PISD: variants seen among roughly 807,000 people sequenced by gnomAD.
PISD encodes phosphatidylserine decarboxylase proenzyme, mitochondrial.
PISD carries 31 observed loss-of-function variants against 43.5 expected under a neutral mutation model. The observed-to-expected ratio is 0.71, with a 90% CI of 0.54 to 0.96. PISD has a LOEUF of 0.96. Ranked by LOEUF, PISD falls within the 40% of genes least tolerant of loss-of-function variation. The pLI, the probability that PISD is intolerant of heterozygous loss-of-function variation, is 0.00. For synonymous variants in PISD, 259 were observed against 228.7 expected (o/e 1.13, Z -1.20); for missense variants, 523 against 548.4 (o/e 0.95, Z 0.46).
At chr22:31,648,482 G>A (rs929161682) in intron 2 of PISD, among the ~76,000 whole-genome samples, 4 of 152,006 alleles carry the variant, frequency 2.6e-5, no homozygotes, top group Admixed American at 6.6e-5. Flanking sequence ...TCGAGACCAC[G>A]GTGAAACCCC....
chr22:31,635,962 A>G (rs188946044), intron 3 of PISD, among the ~76,000 whole-genome samples: 66 of 152,376 alleles, frequency 4.3e-4, no homozygotes, highest in African/African-American at 1.3e-3. Flanking sequence ...GGGGCCAGGT[A>G]TTTACATACA....
chr22:31,619,693 G>A lies in PISD; in HGVS notation c.1149C>T (p.Ile383=). 1 of 1,614,224 alleles carries A rather than the reference G, an allele frequency of 6.2e-7. No individual in the cohort carries two copies. The highest frequency in any genetic ancestry group is 8.5e-7 in the Non-Finnish European group (1 of 1,180,032). Residue 383 remains isoleucine, a synonymous_variant, in exon 8 of 8, where the codon ATC becomes ATT. Transcript: ENST00000439502. ...AATTGAAGTCCTTGGGGGCCTCGAA[G>A]ATGAGCACGATGGTGGAGCCCAGGT... ...EFNLGSTIVL[I]FEAPKDFNFQ...
intron 6 of PISD, 48 bp downstream of exon 6, chr22:31,620,948 A>C (rs1251736823): frequency 3.2e-6 from 5 of 1,567,508 alleles, no homozygotes; most frequent in East Asian, 2.3e-5. Flanking sequence ...GAGAGCCTCT[A>C]TATGAAGCCC....
intron 3 of PISD, chr22:31,628,291 G>A (rs1357930613): frequency 3.3e-6 from 2 of 600,156 alleles, no homozygotes; most frequent in East Asian, 2.8e-4. Flanking sequence ...GGCCAGCAGT[G>A]TTTCTGGCCT....
At chr22:31,628,569 C>A (rs940453512) in intron 3 of PISD, among the ~76,000 whole-genome samples, 1 of 152,228 alleles carries the variant, frequency 6.6e-6, no homozygotes, top group African/African-American at 2.4e-5. Flanking sequence ...CAGTCACCTG[C>A]AACATGAGAA....
Position 31,621,850 on chromosome 22 carries a change from C to T in PISD, c.357G>A (p.Leu119=). The part of the protein sequence containing the change: ...ALYKSVPTRL[L]SRAWGRLNQV... The stretch of plus-strand genomic sequence containing the variant: ...GATTGAGGCGACCCCAGGCCCGTGA[C>T]AGCAAGCGCGTTGGCACTGACTTGT... The change falls in exon 4 of 8, where the codon CTG becomes CTA. Residue 119 remains leucine (L), a synonymous_variant. Coordinates refer to ENST00000439502, the MANE Select transcript of PISD (RefSeq NM_001326411.2). 1 of 1,611,372 alleles carries T rather than the reference C, an allele frequency of 6.2e-7. No homozygotes were observed. Among genetic ancestry groups the T allele is most frequent in the East Asian group, 2.2e-5 (1 of 44,884 alleles).
At chr22:31,621,949 G>C in intron 3 of PISD, 64 bp from the exon 4 acceptor site, 1 of 1,234,390 alleles carries the variant, frequency 8.1e-7, no homozygotes, top group Non-Finnish European at 1.2e-6. Context: ...AGCCCAAGTA[G>C]TGTCATTAGC....
chr22:31,654,938 T>C (rs1022085445), intron 1 of PISD, among the ~76,000 whole-genome samples: 2 of 151,708 alleles, frequency 1.3e-5, no homozygotes, highest in Admixed American at 1.3e-4. Flanking sequence ...TAGATGGGCG[T>C]GGTGGTGTGC....
intron 1 of PISD, among the ~76,000 whole-genome samples, chr22:31,659,342 T>C (rs2074259008): frequency 6.6e-6 from 1 of 152,196 alleles, no homozygotes; most frequent in Admixed American, 6.6e-5. Flanking sequence ...CTATTTCAAA[T>C]GTTTTTAATT....
In PISD at chr22:31,619,794, T is replaced by G. The variant is rs1334216088; in HGVS notation, c.1048A>C (p.Asn350His). Residue 350 changes from asparagine to histidine, a missense_variant, in exon 8 of 8, where the codon AAT (asparagine) becomes CAT (histidine). Coordinates refer to ENST00000439502, the MANE Select transcript of PISD (RefSeq NM_001326411.2). The stretch of plus-strand genomic sequence containing the variant: ...GTGTGCGTCACGAAGCTGAAGTCAT[T>G]GTAGGAGCCCTTGCTGTGCCTTGGG... Reference protein sequence around the residue: ...NSPRHSKGSYNDFSFVTHTNR... With the variant: ...NSPRHSKGSYHDFSFVTHTNR... 2 of 1,613,978 alleles carry G rather than the reference T, an allele frequency of 1.2e-6. No individual in the cohort carries two copies. Among genetic ancestry groups the G allele is most frequent in the Non-Finnish European group, 8.5e-7 (1 of 1,180,002 alleles).
At chr22:31,648,751 T>C (rs1336081542) in intron 2 of PISD, among the ~76,000 whole-genome samples, 3 of 151,666 alleles carry the variant, frequency 2.0e-5, no homozygotes, top group Non-Finnish European at 1.5e-5. Context: ...GGGCCACTAC[T>C]CAGACCCTCC....
At chr22:31,633,740 C>CT (rs988392542) in intron 3 of PISD, among the ~76,000 whole-genome samples, 5 of 152,000 alleles carry the variant, frequency 3.3e-5, no homozygotes, top group African/African-American at 1.2e-4. Context: ...AACAAACAAA[C>CT]AAACGAAACC....
At chr22:31,635,939 TC>T (rs745886870) in intron 3 of PISD, among the ~76,000 whole-genome samples, 2 of 152,212 alleles carry the variant, frequency 1.3e-5, no homozygotes, top group Non-Finnish European at 2.9e-5. Context: ...AAAGCTCCAC[TC>T]CCTGCCAGCA....
At chr22:31,621,195 G>A (rs1035375714) in intron 5 of PISD, 53 bp from the exon 6 acceptor site, 32 of 1,613,016 alleles carry the variant, frequency 2.0e-5, no homozygotes, top group Admixed American at 3.3e-5. Context: ...CACCCAGCAC[G>A]GAGCCCGAGT....
At chr22:31,644,031 G>C (rs1406107043) in intron 3 of PISD, among the ~76,000 whole-genome samples, 2 of 151,566 alleles carry the variant, frequency 1.3e-5, no homozygotes, top group African/African-American at 4.8e-5. Flanking sequence ...CTGGGTGACA[G>C]GGCGAGTCTC....
intron 3 of PISD, among the ~76,000 whole-genome samples, chr22:31,637,204 T>C (rs182813176): frequency 0.01 from 960 of 95,766 alleles, 29 homozygotes; most frequent in African/African-American, 0.013. Context: ...TATATATATA[T>C]ATAGAAAAAT....
At chr22:31,632,958 A>G (rs1285435407) in intron 3 of PISD, among the ~76,000 whole-genome samples, 1 of 152,238 alleles carries the variant, frequency 6.6e-6, no homozygotes, top group Non-Finnish European at 1.5e-5. Context: ...TGAAGATCCC[A>G]AGAACCTATC....
chr22:31,621,522 C>G (rs375010053), intron 4 of PISD, 50 bp from the exon 5 acceptor site: 19 of 1,609,008 alleles, frequency 1.2e-5, no homozygotes, highest in East Asian at 2.2e-5. Context: ...GTCTCCTCCC[C>G]CCAGGAGACA....
Position 31,621,314 on chromosome 22 carries a change from C to G in PISD, c.697+20G>C. ...CACACAGCAGCAGGGCTGCCTAGCCCCGCCTGTGCAGTGACCCACCTGGTG... is the reference window on the plus strand; with the variant it reads ...CACACAGCAGCAGGGCTGCCTAGCCGCGCCTGTGCAGTGACCCACCTGGTG... On this transcript the variant is annotated intron_variant, in intron 5 of 7. Coordinates refer to ENST00000439502, the MANE Select transcript of PISD (RefSeq NM_001326411.2). 6.2e-7 allele frequency: 1 copy of G among 1,613,790 alleles called. No individual in the cohort carries two copies. The highest frequency in any genetic ancestry group is 1.1e-5 in the South Asian group (1 of 91,082).
Sources: allele counts gnomAD v4.1 joint callset (sites outside exome capture counted in the v4.1 genomes callset), GRCh38; gene constraint gnomAD v4.1.1; transcripts MANE v1.5; gene names NCBI Gene and HGNC (gene_info 2026-07-23, HGNC 2026-07-21).